Variants in PCBP2 observed in about 807,000 individuals in gnomAD.
The protein encoded by PCBP2 is poly(rC) binding protein 2, also known as poly(rC)-binding protein 2.
A neutral mutation model predicts 50.1 loss-of-function variants in PCBP2; 4 were observed. The ratio of observed to expected loss-of-function variants is 0.08; its 90% CI spans 0.04 to 0.18. PCBP2 has a LOEUF of 0.18. Ranked by LOEUF, PCBP2 falls within the 10% of genes least tolerant of loss-of-function variation. PCBP2 has a pLI of 1.00. For synonymous variants in PCBP2, 179 were observed against 168.0 expected (o/e 1.07, Z -0.51); for missense variants, 161 against 474.3 (o/e 0.34, Z 6.14).
intron 5 of PCBP2, among the ~76,000 whole-genome samples, chr12:53,458,152 C>T (rs559513586): frequency 1.3e-5 from 2 of 152,014 alleles, no homozygotes; most frequent in South Asian, 4.2e-4. Context: ...TGGTCTCGGA[C>T]TCCTGACCTC....
intron 5 of PCBP2, among the ~76,000 whole-genome samples, chr12:53,458,021 C>T (rs983403546): frequency 2.0e-5 from 3 of 152,042 alleles, no homozygotes; most frequent in Non-Finnish European, 2.9e-5. Context: ...CTCTGACTCC[C>T]GGGTTCAAGC....
intron 1 of PCBP2, among the ~76,000 whole-genome samples, chr12:53,452,580 C>T (rs980017891): frequency 2.6e-5 from 4 of 151,486 alleles, no homozygotes; most frequent in African/African-American, 4.8e-5. Flanking sequence ...AAGGCCTATT[C>T]CCCCCTCCCC....
Position 53,460,924 on chromosome 12 carries a change from A to G in PCBP2, c.376-91A>G, listed in dbSNP as rs568386879. On this transcript the variant is annotated intron_variant, in intron 6 of 14. Transcript: ENST00000546463. ...GAAGATTGGAAATGGATAAATATCT[A>G]CTAGAGTTTTAGGCTCTGAAATTGC... 3.6e-4 allele frequency: 483 copies of G among 1,360,012 alleles called. 2 individuals are homozygous for G. The highest frequency in any genetic ancestry group is 2.4e-3 in the East Asian group (102 of 43,034). 84.2% of individuals were successfully genotyped at this position (1,360,012 alleles called of 1,614,324 possible). A position where few individuals can be genotyped will look rare whatever the true frequency, so the allele number is the denominator to read the frequency against.
chr12:53,456,085 A>G (rs979343781), intron 5 of PCBP2, 84 bp downstream of exon 5: 16 of 848,544 alleles, frequency 1.9e-5, no homozygotes, highest in Middle Eastern at 4.4e-4. Flanking sequence ...TTTAAATTCA[A>G]GGACACACTG....
Position 53,461,130 on chromosome 12 carries a change from T to C in PCBP2, c.491T>C (p.Val164Ala), listed in dbSNP as rs1340965194. 1 of 1,613,924 alleles carries C rather than the reference T, an allele frequency of 6.2e-7. No homozygotes were observed. Among genetic ancestry groups the C allele is most frequent in the Non-Finnish European group, 8.5e-7 (1 of 1,179,876 alleles). Reference sequence around the variant, plus strand: ...ATTGAGTGTGTCAAACAGATCTGCGTGGTCATGTTGGAGGTAAGCCCTCAG... The same window carrying C: ...ATTGAGTGTGTCAAACAGATCTGCGCGGTCATGTTGGAGGTAAGCCCTCAG... Reference protein sequence around the residue: ...SIIECVKQICVVMLESPPKGV... With the variant: ...SIIECVKQICAVMLESPPKGV... The change falls in exon 7 of 15, where the codon GTG (valine) becomes GCG (alanine). Residue 164 changes from valine (V) to alanine (A), a missense_variant. Physicochemically the swap from Val to Ala is moderately conservative, Grantham distance 64 (BLOSUM62 0). Around this residue, in one of 7 missense-constraint regions of PCBP2, gnomAD observed 20 missense variants for 43.1 expected, o/e 0.46. Transcript: ENST00000546463.
At chr12:53,473,645 T>G (rs1404870862) in intron 14 of PCBP2, among the ~76,000 whole-genome samples, 1 of 152,224 alleles carries the variant, frequency 6.6e-6, no homozygotes, top group East Asian at 1.9e-4. Context: ...TTCGGTATCT[T>G]AGCCATGGAT....
At chr12:53,476,481 A>ATTTTTAT (rs1457143697) in intron 14 of PCBP2, among the ~76,000 whole-genome samples, 1 of 152,174 alleles carries the variant, frequency 6.6e-6, no homozygotes, top group Non-Finnish European at 1.5e-5. Flanking sequence ...CTCTCATAAA[A>ATTTTTAT]CAGTAGAAAT....
At position 53,452,250 on chromosome 12, in the gene PCBP2, T is replaced by A. The variant is rs1424502193; in HGVS notation, c.-202T>A. 9.7e-6 allele frequency: 1 copy of A among 102,956 alleles called. No individual in the cohort carries two copies. Among genetic ancestry groups the A allele is most frequent in the African/African-American group, 3.7e-5 (1 of 26,848 alleles). 6.4% of individuals were successfully genotyped at this position (102,956 alleles called of 1,614,324 possible). On this transcript the variant is annotated 5_prime_UTR_variant, in exon 1 of 15. Transcript: ENST00000546463. ...CCTCCTCCTCCTCCTCCACCCCCCCTTCCTCCTCCGCCCGCCCGCGGGGCC... is the reference window on the plus strand; with the variant it reads ...CCTCCTCCTCCTCCTCCACCCCCCCATCCTCCTCCGCCCGCCCGCGGGGCC...
intron 13 of PCBP2, among the ~76,000 whole-genome samples, chr12:53,469,690 G>A (rs996817151): frequency 2.0e-5 from 3 of 151,644 alleles, no homozygotes; most frequent in Non-Finnish European, 4.4e-5. Context: ...TCGCGCCATC[G>A]CACTCCAGCC....
chr12:53,461,875 T>G (rs995809437), intron 7 of PCBP2, among the ~76,000 whole-genome samples: 9 of 151,970 alleles, frequency 5.9e-5, no homozygotes, highest in Admixed American at 2.0e-4. Flanking sequence ...ACCTGGCTAA[T>G]TTTTTTTATT....
intron 8 of PCBP2, 148 bp from the exon 9 acceptor site, chr12:53,464,612 C>G: frequency 1.8e-6 from 2 of 1,092,122 alleles, no homozygotes; most frequent in Non-Finnish European, 2.6e-6. Flanking sequence ...TTTTAATTCA[C>G]TGATTACAGC....
intron 7 of PCBP2, among the ~76,000 whole-genome samples, chr12:53,461,985 C>T (rs1260451719): frequency 1.3e-5 from 2 of 152,078 alleles, no homozygotes; most frequent in African/African-American, 2.4e-5. Flanking sequence ...CTGGTATTAC[C>T]AGCATGAGCC....
Position 53,461,018 on chromosome 12 carries a change from A to G in PCBP2, c.379A>G (p.Thr127Ala). Reference protein sequence around the residue: ...GCKIKEIRESTGAQVQVAGDM... With the variant: ...GCKIKEIRESAGAQVQVAGDM... ...TGAATTTCTTTTTACTCCAAAGAGT[A>G]CAGGGGCTCAGGTCCAGGTGGCAGG... Residue 127 changes from threonine (T) to alanine (A), a missense_variant, in exon 7 of 15, where the codon ACA (threonine) becomes GCA (alanine). Physicochemically the swap from Thr to Ala is moderately conservative, Grantham distance 58. Transcript: ENST00000546463. 1 of 1,613,354 alleles carries G rather than the reference A, an allele frequency of 6.2e-7. No individual in the cohort carries two copies. The highest frequency in any genetic ancestry group is 8.5e-7 in the Non-Finnish European group (1 of 1,179,920).
At chr12:53,475,358 G>GA in intron 14 of PCBP2, 2 of 362,394 alleles carry the variant, frequency 5.5e-6, no homozygotes, top group South Asian at 4.1e-5. Context: ...GGGGGTGGGG[G>GA]AGTGGTAACC....
chr12:53,460,239 T>C (rs544714990), intron 6 of PCBP2: 8 of 221,688 alleles, frequency 3.6e-5, no homozygotes, highest in Non-Finnish European at 4.7e-5. Context: ...TCTGGGCTCA[T>C]GTAACCCTCC....
intron 10 of PCBP2, among the ~76,000 whole-genome samples, chr12:53,466,941 C>T (rs372110133): frequency 1.3e-5 from 2 of 152,222 alleles, no homozygotes. Context: ...CATTAAGTAG[C>T]CTCCAAGGGG....
At chr12:53,468,978 C>T in intron 13 of PCBP2, 146 bp downstream of exon 13, 4 of 598,996 alleles carry the variant, frequency 6.7e-6, no homozygotes, top group Non-Finnish European at 1.2e-5. Flanking sequence ...TCTTGGCTCA[C>T]CGCAGCCTCC....
chr12:53,452,549 GC>G (rs1940620307), intron 1 of PCBP2, among the ~76,000 whole-genome samples, 173 bp downstream of exon 1: 2 of 151,162 alleles, frequency 1.3e-5, no homozygotes, highest in Non-Finnish European at 3.0e-5. Context: ...TGGCTCTGGC[GC>G]GGCCTAGTAG....
At chr12:53,473,224 AC>A (rs912595144) in intron 14 of PCBP2, among the ~76,000 whole-genome samples, 1 of 151,748 alleles carries the variant, frequency 6.6e-6, no homozygotes, top group Admixed American at 6.6e-5. Context: ...GCTGGGACTT[AC>A]AGGCACGTGC....
Sources: gnomAD v4.1 joint callset for allele counts (sites outside exome capture counted in the v4.1 genomes callset) on GRCh38, gnomAD v4.1.1 for gene constraint, gnomAD v4.1.1 regional missense constraint, MANE v1.5 for transcripts, NCBI Gene and HGNC (gene_info 2026-07-23, HGNC 2026-07-21) for gene names.